The following SLC39A11 variants were observed in gnomAD, a reference collection of about 807,000 sequenced individuals.
The protein encoded by SLC39A11 is solute carrier family 39 member 11.
In SLC39A11, 33 loss-of-function variants were observed where a neutral mutation model predicts 36.1. The ratio of observed to expected loss-of-function variants is 0.91; its 90% CI spans 0.69 to 1.22. SLC39A11 has a LOEUF of 1.22. SLC39A11 is among the 50% of genes most tolerant of loss of function. SLC39A11 has a pLI of 0.00. For synonymous variants in SLC39A11, 166 were observed against 170.3 expected (o/e 0.97, Z 0.20); for missense variants, 432 against 430.3 (o/e 1.00, Z -0.03).
chr17:72,876,228 A>G (rs897195681), intron 5 of SLC39A11, among the ~76,000 whole-genome samples: 4 of 152,204 alleles, frequency 2.6e-5, no homozygotes, highest in African/African-American at 9.7e-5. Context: ...GGAAACAGAA[A>G]TTGGATTATG....
intron 7 of SLC39A11, among the ~76,000 whole-genome samples, chr17:72,685,424 C>T (rs1034576951): frequency 6.6e-6 from 1 of 152,274 alleles, no homozygotes. Context: ...AGAACAAGAA[C>T]GAGGCCCAGC....
At chr17:72,776,933 C>T (rs779077898) in intron 6 of SLC39A11, among the ~76,000 whole-genome samples, 58 of 152,152 alleles carry the variant, frequency 3.8e-4, no homozygotes, top group Non-Finnish European at 7.6e-4. Context: ...AGCTGACTTT[C>T]GCAGTTCATG....
At chr17:73,007,035 C>T (rs1385753382) in intron 4 of SLC39A11, among the ~76,000 whole-genome samples, 2 of 152,206 alleles carry the variant, frequency 1.3e-5, no homozygotes, top group South Asian at 4.1e-4. Context: ...ATGATGACGC[C>T]ACTGCCCAAG....
intron 5 of SLC39A11, among the ~76,000 whole-genome samples, chr17:72,882,798 T>TTTTTTTTTTTTTTTTTC (rs2081262763): frequency 1.6e-5 from 2 of 125,662 alleles, no homozygotes; most frequent in South Asian, 4.8e-4. Flanking sequence ...AGAATGCTTC[T>TTTTTTTTTTTTTTTTTC]TTTTTTTTTT....
intron 3 of SLC39A11, among the ~76,000 whole-genome samples, chr17:73,081,472 G>T (rs1156437654): frequency 1.3e-5 from 2 of 151,774 alleles, no homozygotes. Context: ...CCACTACTAG[G>T]TATCTACTCA....
intron 5 of SLC39A11, among the ~76,000 whole-genome samples, chr17:72,928,325 C>T (rs774873955): frequency 2.5e-4 from 38 of 152,156 alleles, no homozygotes; most frequent in African/African-American, 5.5e-4. Context: ...AAAAAGAACA[C>T]GTAAGTTCTG....
intron 6 of SLC39A11, among the ~76,000 whole-genome samples, chr17:72,809,895 C>A (rs2077379534): frequency 6.6e-6 from 1 of 151,946 alleles, no homozygotes; most frequent in South Asian, 2.1e-4. Flanking sequence ...CATGAAGAAA[C>A]CTCGTCTCTA....
intron 4 of SLC39A11, among the ~76,000 whole-genome samples, chr17:72,966,792 A>G (rs186440044): frequency 1.1e-3 from 162 of 151,770 alleles, no homozygotes; most frequent in African/African-American, 3.7e-3. Context: ...GATGGTCTTG[A>G]TCTCCTGACC....
At chr17:72,702,734 C>A (rs964170798) in intron 7 of SLC39A11, among the ~76,000 whole-genome samples, 13 of 151,756 alleles carry the variant, frequency 8.6e-5, no homozygotes. Context: ...GTCAGGAGTT[C>A]CAGACCAGCT....
intron 5 of SLC39A11, among the ~76,000 whole-genome samples, chr17:72,870,032 CTTT>C (rs982354550): frequency 6.8e-6 from 1 of 147,618 alleles, no homozygotes; most frequent in African/African-American, 2.5e-5. Flanking sequence ...TCTTCTTCTT[CTTT>C]TTTTTTTGTT....
chr17:72,820,175 G>A (rs951831618), intron 6 of SLC39A11, among the ~76,000 whole-genome samples: 1 of 151,254 alleles, frequency 6.6e-6, no homozygotes. Flanking sequence ...TGTAATAAAA[G>A]TGGTACCATT....
At chr17:72,827,355 T>C (rs988755785) in intron 6 of SLC39A11, among the ~76,000 whole-genome samples, 1 of 151,870 alleles carries the variant, frequency 6.6e-6, no homozygotes, top group Non-Finnish European at 1.5e-5. Flanking sequence ...TGGAGGGAAA[T>C]GGAGGATAAT....
At chr17:73,081,632 TACACAC>T (rs57284292) in intron 3 of SLC39A11, among the ~76,000 whole-genome samples, 1,665 of 110,606 alleles carry the variant, frequency 0.015, 31 homozygotes, top group Admixed American at 0.044. Flanking sequence ...TATATATACA[TACACAC>T]ACACACACAC....
At chr17:73,014,127 A>G (rs2090678899) in intron 4 of SLC39A11, among the ~76,000 whole-genome samples, 1 of 152,038 alleles carries the variant, frequency 6.6e-6, no homozygotes, top group South Asian at 2.1e-4. Context: ...TCTCATATAA[A>G]CACAGAATGC....
At chr17:72,955,347 A>C (rs887424191) in intron 4 of SLC39A11, among the ~76,000 whole-genome samples, 1 of 95,694 alleles carries the variant, frequency 1.0e-5, no homozygotes, top group Non-Finnish European at 2.0e-5. Context: ...CTGTCGCCCA[A>C]GATGGAGTGC....
At chr17:73,074,505 G>T (rs2144596007) in intron 3 of SLC39A11, among the ~76,000 whole-genome samples, 1 of 152,164 alleles carries the variant, frequency 6.6e-6, no homozygotes, top group Admixed American at 6.5e-5. Context: ...CACCATGTTG[G>T]CCAGGCTGGT....
At chr17:72,993,496 C>T (rs535397783) in intron 4 of SLC39A11, among the ~76,000 whole-genome samples, 1 of 152,196 alleles carries the variant, frequency 6.6e-6, no homozygotes, top group Non-Finnish European at 1.5e-5. Flanking sequence ...TGAAGCATTG[C>T]TAACTTCGCC....
chr17:73,053,226 A>G (rs998764697), intron 3 of SLC39A11, among the ~76,000 whole-genome samples: 2 of 139,696 alleles, frequency 1.4e-5, no homozygotes, highest in Admixed American at 7.5e-5. Context: ...GTATGGTATG[A>G]GCCCATTTGA....
chr17:72,982,401 A>T (rs1210372348), intron 4 of SLC39A11, among the ~76,000 whole-genome samples: 1 of 152,204 alleles, frequency 6.6e-6, no homozygotes, highest in East Asian at 1.9e-4. Flanking sequence ...GGTCATTAAT[A>T]GGTTAATTTT....
Sources: gnomAD v4.1 joint callset for allele counts (sites outside exome capture counted in the v4.1 genomes callset) on GRCh38, gnomAD v4.1.1 for gene constraint, MANE v1.5 for transcripts, NCBI Gene and HGNC (gene_info 2026-07-23, HGNC 2026-07-21) for gene names.